The following CNKSR3 variants were observed in gnomAD, a reference collection of about 807,000 sequenced individuals.
CNKSR3 encodes the protein connector enhancer of kinase suppressor of ras 3.
CNKSR3 carries 36 observed loss-of-function variants against 67.7 expected under a neutral mutation model. The ratio of observed to expected loss-of-function variants is 0.53; its 90% CI spans 0.41 to 0.70. The LOEUF (loss-of-function observed/expected upper bound fraction) is 0.70. Ranked by LOEUF, CNKSR3 falls within the 30% of genes least tolerant of loss-of-function variation. The probability of loss-of-function intolerance (pLI) is 0.00; values close to 1 mark genes in which losing one functional copy is unlikely to be tolerated. For synonymous variants in CNKSR3, 281 were observed against 271.4 expected, an observed-to-expected ratio of 1.04 and a Z score of -0.35; for missense variants, 630 against 695.2, an observed-to-expected ratio of 0.91 and a Z score of 1.05.
intron 1 of CNKSR3, among the ~76,000 whole-genome samples, chr6:154,483,933 A>G (rs1280268442): frequency 1.3e-5 from 2 of 152,222 alleles, no homozygotes; most frequent in African/African-American, 4.8e-5. Flanking sequence ...ACTACAGAAC[A>G]GGAAAAATGC....
Position 154,431,440 on chromosome 6 carries a change from C to CAAAAAAAAAAAAAAAA in CNKSR3, c.550-865_550-850dup. On this transcript the variant is annotated intron_variant, in intron 5 of 12. Transcript: ENST00000607772. ...CCTGGGTAACAGAGCGAGACTCTGT[C>CAAAAAAAAAAAAAAAA]AAAAAAAAAAAAAAAAAAAAAGCCA... Among the ~76,000 whole-genome samples the CAAAAAAAAAAAAAAAA allele has an allele frequency of 3.2e-5, 3 of 93,564 alleles. 1 individual carries two copies. The highest frequency in any genetic ancestry group is 7.2e-5 in the Non-Finnish European group (3 of 41,546). 61.4% of individuals were successfully genotyped at this position (93,564 alleles called of 152,430 possible). A position where few individuals can be genotyped will look rare whatever the true frequency, so the allele number is the denominator to read the frequency against.
At chr6:154,450,514 G>A (rs1408034099) in intron 1 of CNKSR3, among the ~76,000 whole-genome samples, 1 of 152,156 alleles carries the variant, frequency 6.6e-6, no homozygotes, top group Non-Finnish European at 1.5e-5. Flanking sequence ...TAAACTAAAG[G>A]AATAAACACC....
rs1786118569 is a variant in CNKSR3 at position 154,463,160 on chromosome 6, G to A, written c.53-12902C>T. Among the ~76,000 whole-genome samples the A allele has an allele frequency of 2.8e-5, 4 of 141,414 alleles. 1 individual carries two copies. The highest frequency in any genetic ancestry group is 1.1e-4 in the African/African-American group (4 of 37,200). The allele number at this position is 141,414 out of a possible 152,430, so 92.8% of individuals were successfully genotyped here. ...GGAGTCTCGCTCTGTCGCCCAGGTT[G>A]GAGTGCAGTGGCACAATCTCGGCCT... On this transcript the variant is annotated intron_variant, in intron 1 of 12. Coordinates refer to ENST00000607772, the MANE Select transcript of CNKSR3 (RefSeq NM_173515.4).
Position 154,393,567 on chromosome 6 carries a change from C to A in CNKSR3, c.*12787G>T, listed in dbSNP as rs1784629971. 6.6e-6 allele frequency: 1 copy of A among 152,152 alleles called. No homozygotes were observed. The highest frequency in any genetic ancestry group is 2.4e-5 in the African/African-American group (1 of 41,422). The allele number at this position is 152,152 out of a possible 1,614,324, so 9.4% of individuals were successfully genotyped here. A position where few individuals can be genotyped will look rare whatever the true frequency, so the allele number is the denominator to read the frequency against. ...TATATGTATATATTCTTACTGCTAA[C>A]CCTTAGGACTTTTTAATCTTCTCCC... On this transcript the variant is annotated 3_prime_UTR_variant, in exon 13 of 13. Coordinates refer to ENST00000607772, the MANE Select transcript of CNKSR3 (RefSeq NM_173515.4).
In CNKSR3 at chr6:154,410,401, A is replaced by G; in HGVS notation, c.1311T>C (p.Asp437=). The change falls in exon 12 of 13, where the codon GAT becomes GAC. Residue 437 remains aspartate, a synonymous_variant. Coordinates refer to ENST00000607772, the MANE Select transcript of CNKSR3 (RefSeq NM_173515.4). ...GKPRPLSMPA[D]GNWMGIVDPF... The stretch of plus-strand genomic sequence containing the variant: ...GGTCCACAATCCCCATCCAGTTCCC[A>G]TCAGCAGGCATGGACAAAGGCCGTG... 6.2e-7 allele frequency: 1 copy of G among 1,614,110 alleles called. No individual in the cohort carries two copies. Among genetic ancestry groups the G allele is most frequent in the Non-Finnish European group, 8.5e-7 (1 of 1,179,972 alleles).
intron 1 of CNKSR3, among the ~76,000 whole-genome samples, chr6:154,465,704 C>T (rs752653292): frequency 1.3e-5 from 2 of 152,154 alleles, no homozygotes; most frequent in African/African-American, 2.4e-5. Context: ...TTTAAGCTAA[C>T]TTAGCTTACT....
Position 154,406,250 on chromosome 6 carries a change from A to G in CNKSR3, c.*104T>C, listed in dbSNP as rs1485330545. On this transcript the variant is annotated 3_prime_UTR_variant, in exon 13 of 13. Transcript: ENST00000607772. ...TTTTCAAAAGAAAAAGAAATTGCAT[A>G]AGGTCCCTACATAATACTGAGGCTG... 2.9e-6 allele frequency: 3 copies of G among 1,042,088 alleles called. No individual in the cohort carries two copies. The highest frequency in any genetic ancestry group is 4.1e-6 in the Non-Finnish European group (3 of 726,300). 64.6% of individuals were successfully genotyped at this position (1,042,088 alleles called of 1,614,324 possible). A position where few individuals can be genotyped will look rare whatever the true frequency, so the allele number is the denominator to read the frequency against.
chr6:154,456,914 C>G (rs577349040), intron 1 of CNKSR3, among the ~76,000 whole-genome samples: 1 of 151,926 alleles, frequency 6.6e-6, no homozygotes, highest in African/African-American at 2.4e-5. Context: ...AGACGGGGTT[C>G]AGGGGTAGGT....
chr6:154,497,838 T>C (rs1216007624), intron 1 of CNKSR3, among the ~76,000 whole-genome samples: 2 of 152,228 alleles, frequency 1.3e-5, no homozygotes, highest in Admixed American at 1.3e-4. Context: ...CATTTCCCGA[T>C]GCAGAGCACC....
chr6:154,507,074 T>C (rs142381039), intron 1 of CNKSR3, among the ~76,000 whole-genome samples: 15 of 152,322 alleles, frequency 9.8e-5, no homozygotes, highest in African/African-American at 3.6e-4. Context: ...GAAATAACTG[T>C]TCCTACCTCA....
intron 4 of CNKSR3, chr6:154,434,120 C>G (rs946765198): frequency 2.0e-5 from 3 of 152,102 alleles, no homozygotes; most frequent in Non-Finnish European, 4.4e-5. Context: ...AAATAAAGGG[C>G]TGGAATGCAA....
intron 1 of CNKSR3, among the ~76,000 whole-genome samples, chr6:154,503,438 C>A (rs1787037149): frequency 6.6e-6 from 1 of 152,040 alleles, no homozygotes; most frequent in African/African-American, 2.4e-5. Context: ...CCAGCCTGGG[C>A]AATACCACAA....
intron 1 of CNKSR3, among the ~76,000 whole-genome samples, chr6:154,492,745 C>CA (rs71268487): frequency 0.27 from 30,733 of 113,522 alleles, 3,493 homozygotes; most frequent in Middle Eastern, 0.34. Flanking sequence ...GACTCTGTCT[C>CA]AAAAAAAAAA....
chr6:154,484,911 C>T (rs1786638926), intron 1 of CNKSR3, among the ~76,000 whole-genome samples: 1 of 152,140 alleles, frequency 6.6e-6, no homozygotes, highest in Non-Finnish European at 1.5e-5. Context: ...GCTTGAATAG[C>T]CACACAGGTC....
intron 10 of CNKSR3, among the ~76,000 whole-genome samples, chr6:154,411,633 CAAAAA>C (rs57943019): frequency 0.06 from 6,245 of 103,302 alleles, 216 homozygotes; most frequent in Non-Finnish European, 0.086. Context: ...GACTCCATCT[CAAAAA>C]AAAAAAAAAA....
At chr6:154,481,089 A>G (rs952327949) in intron 1 of CNKSR3, among the ~76,000 whole-genome samples, 1 of 146,290 alleles carries the variant, frequency 6.8e-6, no homozygotes, top group Admixed American at 6.9e-5. Flanking sequence ...TGCTTATTCG[A>G]TATTTATTTA....
rs977901571 is a variant in CNKSR3, at chr6:154,395,716, G to C, written c.*10638C>G. ...GTTCTTAGTAATATTTCACTATTTA[G>C]TCTACAGCCTATATATGCATGTACG... On this transcript the variant is annotated 3_prime_UTR_variant, in exon 13 of 13. Coordinates refer to ENST00000607772, the MANE Select transcript of CNKSR3 (RefSeq NM_173515.4). 1 of 152,120 alleles carries C rather than the reference G, an allele frequency of 6.6e-6. No homozygotes were observed. 9.4% of individuals were successfully genotyped at this position (152,120 alleles called of 1,614,324 possible).
At chr6:154,463,914 A>G (rs1025343117) in intron 1 of CNKSR3, among the ~76,000 whole-genome samples, 1 of 152,118 alleles carries the variant, frequency 6.6e-6, no homozygotes, top group Non-Finnish European at 1.5e-5. Flanking sequence ...TTTTCCCATC[A>G]TCAAACTAAT....
intron 1 of CNKSR3, among the ~76,000 whole-genome samples, chr6:154,479,153 T>G (rs1786514605): frequency 6.7e-6 from 1 of 148,726 alleles, no homozygotes. Context: ...CATTTGGAAG[T>G]AAAAAGGAAA....
Sources: gnomAD v4.1 joint callset for allele counts (sites outside exome capture counted in the v4.1 genomes callset) on GRCh38, gnomAD v4.1.1 for gene constraint, MANE v1.5 for transcripts, NCBI Gene and HGNC (gene_info 2026-07-23, HGNC 2026-07-21) for gene names.